The following GTPBP1 variants were observed in gnomAD, a reference collection of about 807,000 sequenced individuals.
The protein encoded by GTPBP1 is GTP binding protein 1.
GTPBP1 carries 23 observed loss-of-function variants against 62.0 expected under a neutral mutation model. That is an observed-to-expected ratio of 0.37 (90% confidence interval 0.27 to 0.53). GTPBP1 has a LOEUF of 0.53. GTPBP1 is among the 20% of genes least tolerant of loss of function. GTPBP1 has a pLI of 0.89. For synonymous variants in GTPBP1, 344 were observed against 364.4 expected, an observed-to-expected ratio of 0.94 and a Z score of 0.64; for missense variants, 640 against 917.3, an observed-to-expected ratio of 0.70 and a Z score of 3.90.
At chr22:38,736,394 A>C (rs767152526), downstream of GTPBP1, 3 of 1,604,724 alleles carry the variant, frequency 1.9e-6, no homozygotes, top group South Asian at 3.3e-5. Flanking sequence ...GGTAGAGAAG[A>C]AAGGGATTAA....
At chr22:38,734,720 C>T (rs1348878487), downstream of GTPBP1, 1 of 175,656 alleles carries the variant, frequency 5.7e-6, no homozygotes, top group African/African-American at 2.4e-5. Flanking sequence ...CACATGAAAG[C>T]CACATCCCAC....
At chr22:38,738,922 A>G (rs1258519512), downstream of GTPBP1, 2 of 1,612,576 alleles carry the variant, frequency 1.2e-6, no homozygotes, top group Non-Finnish European at 1.7e-6. The surrounding 1 kb of genome is among the most constrained non-coding windows in gnomAD (Gnocchi z 6.6). Context: ...GGGGATGCCG[A>G]AGAGGCTGAG....
Position 38,728,064 on chromosome 22 carries a change from T to C in GTPBP1, c.1619T>C (p.Val540Ala), listed in dbSNP as rs1283502928. Residue 540 changes from valine (V) to alanine (A), a missense_variant, in exon 10 of 12, where the codon GTA (valine) becomes GCA (alanine). Physicochemically the swap from Val to Ala is moderately conservative, Grantham distance 64. This residue lies in a region of GTPBP1 where 220 missense variants were observed against 358.1 expected (regional missense o/e 0.61). Transcript: ENST00000216044. ...CTGCGCACTGGGGACAAGGCCACTG[T>C]ACACTTCCGCTTCATCAAGACCCCT... ...DCLRTGDKATVHFRFIKTPEY... is the reference protein window; with the variant it reads ...DCLRTGDKATAHFRFIKTPEY... 1.2e-6 allele frequency: 2 copies of C among 1,613,068 alleles called. No homozygotes were observed. The highest frequency in any genetic ancestry group is 1.7e-6 in the Non-Finnish European group (2 of 1,179,030).
intron 10 of GTPBP1, chr22:38,729,202 A>T (rs1007012917): frequency 1.0e-4 from 37 of 369,832 alleles, no homozygotes; most frequent in African/African-American, 5.0e-4. Context: ...AACAGGATGG[A>T]GCCTTTCTGG....
In GTPBP1 at chr22:38,716,221, G is replaced by T; in HGVS notation, c.485+134G>T. ...AAAGAGTGTCCAGGTGTCTGGAGAC[G>T]TGGGCTCCTTGCTCTAATTCTGCAC... On this transcript the variant is annotated intron_variant, in intron 3 of 11. Coordinates refer to ENST00000216044, the MANE Select transcript of GTPBP1 (RefSeq NM_004286.5). This position sits in a 1 kb window ranked among gnomAD's most constrained non-coding sequence, Gnocchi z 5.2. 1.4e-6 allele frequency: 1 copy of T among 729,892 alleles called. No homozygotes were observed. Among genetic ancestry groups the T allele is most frequent in the Non-Finnish European group, 2.3e-6 (1 of 433,342 alleles). 45.2% of individuals were successfully genotyped at this position (729,892 alleles called of 1,614,324 possible). A position where few individuals can be genotyped will look rare whatever the true frequency, so the allele number is the denominator to read the frequency against.
In GTPBP1 at chr22:38,708,854, G is replaced by C. The variant is rs2092621726; in HGVS notation, c.202G>C (p.Val68Leu). Residue 68 changes from valine (V) to leucine (L), a missense_variant, in exon 2 of 12, where the codon GTG becomes CTG. By Grantham distance (32) the Val-to-Leu change is conservative. Coordinates refer to ENST00000216044, the MANE Select transcript of GTPBP1 (RefSeq NM_004286.5). Reference sequence around the variant, plus strand: ...TTGGTTTCTTTTCTAGCTGGTTCTAGTGAGCCCTACATCAGAGCAGTATGA... The same window carrying C: ...TTGGTTTCTTTTCTAGCTGGTTCTACTGAGCCCTACATCAGAGCAGTATGA... ...ELDLTSKLVLVSPTSEQYDSL... is the reference protein window; with the variant it reads ...ELDLTSKLVLLSPTSEQYDSL... 6.3e-7 allele frequency: 1 copy of C among 1,599,264 alleles called. No individual in the cohort carries two copies. The highest frequency in any genetic ancestry group is 1.3e-5 in the African/African-American group (1 of 74,660).
chr22:38,728,286 C>A (rs1042507710), intron 10 of GTPBP1, 125 bp downstream of exon 10: 18 of 688,388 alleles, frequency 2.6e-5, no homozygotes, highest in Non-Finnish European at 4.6e-5. Flanking sequence ...TGAGGTGTGG[C>A]CTCGGTGCCA....
At chr22:38,723,030 G>A (rs1269982975) in intron 5 of GTPBP1, 2 of 803,200 alleles carry the variant, frequency 2.5e-6, no homozygotes, top group African/African-American at 3.4e-5. Context: ...TCTGACAAGA[G>A]TGGGATGTTC....
chr22:38,716,103 G>A lies in GTPBP1; in HGVS notation c.485+16G>A, dbSNP rs753924821. 2 of 1,559,292 alleles carry A rather than the reference G, an allele frequency of 1.3e-6. No individual in the cohort carries two copies. ...TGGAGGTCAGGTGAGGAGGCCGCGGGACATTTTGGGGTCCCCATTCTTCAC... is the reference window on the plus strand; with the variant it reads ...TGGAGGTCAGGTGAGGAGGCCGCGGAACATTTTGGGGTCCCCATTCTTCAC... On this transcript the variant is annotated intron_variant, in intron 3 of 11. Coordinates refer to ENST00000216044, the MANE Select transcript of GTPBP1 (RefSeq NM_004286.5). This position sits in a 1 kb window ranked among gnomAD's most constrained non-coding sequence, Gnocchi z 5.2.
Position 38,732,953 on chromosome 22 carries a change from C to G in GTPBP1, c.*2249C>G, listed in dbSNP as rs2092769941. 1.3e-5 allele frequency: 2 copies of G among 152,372 alleles called. No individual in the cohort carries two copies. The highest frequency in any genetic ancestry group is 2.9e-5 in the Non-Finnish European group (2 of 68,140). The allele number at this position is 152,372 out of a possible 1,614,324, so 9.4% of individuals were successfully genotyped here. ...TCATGATCCACCCGCCTCAGCCTCC[C>G]AAAGTGCTGGGATTACAGGTATGAG... On this transcript the variant is annotated 3_prime_UTR_variant, in exon 12 of 12. Transcript: ENST00000216044.
rs922104284 is a variant in GTPBP1, at chr22:38,727,190, C to T, written c.1402-23C>T. 29 of 1,550,770 alleles carry T rather than the reference C, an allele frequency of 1.9e-5. No homozygotes were observed. Among genetic ancestry groups the T allele is most frequent in the Non-Finnish European group, 2.4e-5 (28 of 1,147,844 alleles). On this transcript the variant is annotated intron_variant, in intron 8 of 11. Coordinates refer to ENST00000216044, the MANE Select transcript of GTPBP1 (RefSeq NM_004286.5). This position sits in a 1 kb window ranked among gnomAD's most constrained non-coding sequence, Gnocchi z 6.5. ...CAGAAGGCATAATTGTCCCTGAGGG[C>T]TGGGGCTCCCTCTTTCTTTCAGATC...
intron 2 of GTPBP1, among the ~76,000 whole-genome samples, chr22:38,711,956 C>T (rs1438536911): frequency 6.6e-6 from 1 of 152,144 alleles, no homozygotes; most frequent in African/African-American, 2.4e-5. Flanking sequence ...TCTCGGCTCA[C>T]TGCAACCTCT....
Position 38,727,417 on chromosome 22 carries a change from A to G in GTPBP1, c.1537+69A>G. 7.0e-7 allele frequency: 1 copy of G among 1,420,704 alleles called. No homozygotes were observed. Among genetic ancestry groups the G allele is most frequent in the Non-Finnish European group, 9.4e-7 (1 of 1,064,982 alleles). The allele number at this position is 1,420,704 out of a possible 1,614,324, so 88.0% of individuals were successfully genotyped here. ...GCTCCCCTCAGAAGGTGTTCCAGCA[A>G]CCCAGGCCCCCTAGTTCCAGCTGCA... On this transcript the variant is annotated intron_variant, in intron 9 of 11. Transcript: ENST00000216044. This position sits in a 1 kb window ranked among gnomAD's most constrained non-coding sequence, Gnocchi z 6.5.
downstream of GTPBP1, among the ~76,000 whole-genome samples, chr22:38,741,306 C>G (rs1277994757): frequency 6.6e-6 from 1 of 152,190 alleles, no homozygotes; most frequent in African/African-American, 2.4e-5. Flanking sequence ...CCCTGGCACA[C>G]CCCAGGGAGC....
intron 4 of GTPBP1, 48 bp from the exon 5 acceptor site, chr22:38,721,694 C>G: frequency 6.4e-7 from 1 of 1,568,732 alleles, no homozygotes; most frequent in Non-Finnish European, 8.7e-7. Context: ...CACCCAGCAG[C>G]AATCTCTTTC....
chr22:38,716,374 G>T lies in GTPBP1; in HGVS notation c.486-278G>T. The T allele has an allele frequency of 1.4e-5, 8 of 586,816 alleles. No individual in the cohort carries two copies. The highest frequency in any genetic ancestry group is 1.8e-5 in the Non-Finnish European group (6 of 330,912). The allele number at this position is 586,816 out of a possible 1,614,324, so 36.4% of individuals were successfully genotyped here. The stretch of plus-strand genomic sequence containing the variant: ...CCAGGGTCATGGAGAAGAGCCTTTT[G>T]TGCCTCTGGTAGCCTTGCGGCTCTT... On this transcript the variant is annotated intron_variant, in intron 3 of 11. Transcript: ENST00000216044. This position sits in a 1 kb window ranked among gnomAD's most constrained non-coding sequence, Gnocchi z 5.2.
Position 38,717,007 on chromosome 22 carries a change from G to A in GTPBP1, c.834+7G>A, listed in dbSNP as rs539803174. 1.3e-6 allele frequency: 2 copies of A among 1,578,026 alleles called. No homozygotes were observed. Among genetic ancestry groups the A allele is most frequent in the East Asian group, 2.2e-5 (1 of 44,556 alleles). ...TGACTTCTGCATGCTCATGGTGAGT[G>A]GGAGGCGCCCCAAGGAGGGGAGGCG... On this transcript the variant is annotated splice_region_variant and intron_variant, in intron 4 of 11. Coordinates refer to ENST00000216044, the MANE Select transcript of GTPBP1 (RefSeq NM_004286.5).
downstream of GTPBP1, chr22:38,742,788 G>A: frequency 1.8e-6 from 1 of 557,222 alleles, no homozygotes; most frequent in Non-Finnish European, 3.2e-6. Flanking sequence ...GGTCCCTGAG[G>A]ACACAGTACC....
chr22:38,729,490 T>C lies in GTPBP1; in HGVS notation c.1745T>C (p.Met582Thr), dbSNP rs1399338350. ...KLLQTTNNSPMNSKPQQIKMQ... is the reference protein window; with the variant it reads ...KLLQTTNNSPTNSKPQQIKMQ... ...CTCCAGACCACCAACAACTCCCCAA[T>C]GAACTCCAAGCCGCAGCAGATTAAA... The change falls in exon 11 of 12, where the codon ATG (methionine) becomes ACG (threonine). Residue 582 changes from methionine (M) to threonine (T), a missense_variant. Physicochemically the swap from Met to Thr is moderately conservative, Grantham distance 81. Around this residue, in one of 4 missense-constraint regions of GTPBP1, gnomAD observed 220 missense variants for 358.1 expected, o/e 0.61. Transcript: ENST00000216044. 1.2e-6 allele frequency: 2 copies of C among 1,607,820 alleles called. No individual in the cohort carries two copies. Among genetic ancestry groups the C allele is most frequent in the Admixed American group, 1.7e-5 (1 of 59,242 alleles).
Sources: gnomAD v4.1 joint callset for allele counts (sites outside exome capture counted in the v4.1 genomes callset) on GRCh38, gnomAD v4.1.1 for gene constraint, gnomAD v4.1.1 regional missense constraint, Gnocchi (gnomAD v3.1) non-coding constraint, MANE v1.5 for transcripts, NCBI Gene and HGNC (gene_info 2026-07-23, HGNC 2026-07-21) for gene names.